The following NAALADL2 variants were observed in gnomAD, a reference collection of about 807,000 sequenced individuals.
NAALADL2 encodes the protein inactive N-acetylated-alpha-linked acidic dipeptidase-like protein 2.
Under a neutral mutation model 87.2 loss-of-function variants are expected in NAALADL2, and 76 were observed. The observed-to-expected ratio is 0.87, with a 90% CI of 0.72 to 1.05. NAALADL2 has a LOEUF of 1.05. Ranked by LOEUF, NAALADL2 falls within the 50% of genes least tolerant of loss-of-function variation. NAALADL2 has a pLI of 0.00. For synonymous variants in NAALADL2, 354 were observed against 331.0 expected, an observed-to-expected ratio of 1.07 and a Z score of -0.75; for missense variants, 1,089 against 945.8, an observed-to-expected ratio of 1.15 and a Z score of -1.99.
rs1003134965 is a variant in NAALADL2 at position 174,944,512 on chromosome 3, G to A, written c.43+85062G>A. Among the ~76,000 whole-genome samples the A allele has an allele frequency of 3.3e-5, 5 of 152,178 alleles. No individual in the cohort carries two copies. In the East Asian group the frequency reaches 9.6e-4, roughly 29 times the overall value. On this transcript the variant is annotated intron_variant, in intron 1 of 13. Coordinates refer to ENST00000454872, the MANE Select transcript of NAALADL2 (RefSeq NM_207015.3). ...GAATTCCAAGCCAGTCTTATCCTGT[G>A]AGGTGCCATGGAAGTATGGCCTGCA...
intron 9 of NAALADL2, among the ~76,000 whole-genome samples, chr3:175,521,749 A>G (rs1732692203): frequency 6.6e-6 from 1 of 152,198 alleles, no homozygotes; most frequent in Non-Finnish European, 1.5e-5. Flanking sequence ...GATTGCAGGC[A>G]TCCACCATAA....
intron 2 of NAALADL2, among the ~76,000 whole-genome samples, chr3:174,662,327 A>G (rs1426262819): frequency 1.3e-5 from 2 of 152,178 alleles, no homozygotes; most frequent in Non-Finnish European, 2.9e-5. Context: ...TATATTCATT[A>G]CATAAAATTT....
intron 2 of NAALADL2, among the ~76,000 whole-genome samples, chr3:174,701,308 T>G (rs1729535290): frequency 6.6e-6 from 1 of 151,830 alleles, no homozygotes; most frequent in African/African-American, 2.4e-5. Context: ...CTGAAAATTG[T>G]TGAGCAGATG....
intron 10 of NAALADL2, among the ~76,000 whole-genome samples, chr3:175,596,359 A>G (rs1722242033): frequency 1.3e-5 from 2 of 151,950 alleles, no homozygotes; most frequent in South Asian, 4.1e-4. Context: ...TATAAACTAA[A>G]CAAAGCTAAA....
chr3:175,556,215 AC>A (rs1715238927), intron 9 of NAALADL2, among the ~76,000 whole-genome samples: 3 of 152,198 alleles, frequency 2.0e-5, no homozygotes, highest in Non-Finnish European at 4.4e-5. Flanking sequence ...TTTTGAAGCA[AC>A]AAGTATTTAA....
intron 5 of NAALADL2, among the ~76,000 whole-genome samples, chr3:175,333,341 G>T (rs1761619943): frequency 6.6e-6 from 1 of 152,122 alleles, no homozygotes; most frequent in Admixed American, 6.6e-5. Flanking sequence ...TGAATGTGGG[G>T]CTTCTTTTAG....
intron 2 of NAALADL2, among the ~76,000 whole-genome samples, chr3:174,621,311 C>T (rs1326431925): frequency 3.3e-5 from 5 of 151,944 alleles, no homozygotes; most frequent in African/African-American, 9.7e-5. Context: ...TCGCACAAGT[C>T]TGCTTTCAAG....
intron 1 of NAALADL2, among the ~76,000 whole-genome samples, chr3:174,510,558 A>T (rs1719533648): frequency 6.6e-6 from 1 of 151,980 alleles, no homozygotes; most frequent in Non-Finnish European, 1.5e-5. Context: ...TGATGCATGT[A>T]TAATCTGAGT....
intron 3 of NAALADL2, among the ~76,000 whole-genome samples, chr3:175,247,267 TACACAC>T (rs778567684): frequency 9.4e-5 from 6 of 64,032 alleles, no homozygotes; most frequent in Admixed American, 4.8e-4. Context: ...ATTATGTGTG[TACACAC>T]ACACACACAC....
At chr3:175,277,712 T>G (rs1043125364) in intron 4 of NAALADL2, among the ~76,000 whole-genome samples, 2 of 152,224 alleles carry the variant, frequency 1.3e-5, no homozygotes, top group African/African-American at 4.8e-5. Flanking sequence ...GAATTATTTA[T>G]GAATCCTTAA....
chr3:175,154,558 T>A (rs561472130), intron 2 of NAALADL2, among the ~76,000 whole-genome samples: 1 of 150,856 alleles, frequency 6.6e-6, no homozygotes, highest in African/African-American at 2.4e-5. Context: ...ATTTAGGACA[T>A]CCTAGTACAT....
chr3:174,850,235 T>C (rs894613394), intron 3 of NAALADL2, among the ~76,000 whole-genome samples: 2 of 152,154 alleles, frequency 1.3e-5, no homozygotes. Flanking sequence ...CTCTAGCCTA[T>C]CCTGTAAGAT....
chr3:174,830,643 G>T (rs979335726), intron 3 of NAALADL2, among the ~76,000 whole-genome samples: 1 of 152,014 alleles, frequency 6.6e-6, no homozygotes, highest in African/African-American at 2.4e-5. Flanking sequence ...TTTCTGTGAA[G>T]AAAGGCATTG....
intron 11 of NAALADL2, among the ~76,000 whole-genome samples, chr3:175,650,566 G>A (rs1730631040): frequency 6.6e-6 from 1 of 152,044 alleles, no homozygotes; most frequent in Admixed American, 6.5e-5. Context: ...CATCATTTCA[G>A]TACTATCAAA....
At chr3:175,527,068 A>T (rs919355779) in intron 9 of NAALADL2, among the ~76,000 whole-genome samples, 1 of 152,224 alleles carries the variant, frequency 6.6e-6, no homozygotes, top group South Asian at 2.1e-4. Flanking sequence ...AGGGCTTGTC[A>T]TCTGAGCCCC....
chr3:174,856,075 T>G (rs893452401), upstream of NAALADL2, among the ~76,000 whole-genome samples: 1 of 151,688 alleles, frequency 6.6e-6, no homozygotes, highest in Non-Finnish European at 1.5e-5. Flanking sequence ...GGTATGATCA[T>G]AGCTTACTGC....
chr3:175,778,662 A>C (rs994014697), intron 13 of NAALADL2, among the ~76,000 whole-genome samples: 7 of 152,228 alleles, frequency 4.6e-5, no homozygotes, highest in African/African-American at 1.7e-4. Context: ...TACATGTTTC[A>C]GCTCATGTAA....
intron 2 of NAALADL2, among the ~76,000 whole-genome samples, chr3:175,134,981 CATTA>C (rs1180373521): frequency 5.3e-5 from 8 of 152,124 alleles, no homozygotes; most frequent in African/African-American, 1.7e-4. Flanking sequence ...TAACATCCTA[CATTA>C]ATTGATGAGT....
intron 11 of NAALADL2, among the ~76,000 whole-genome samples, chr3:175,708,398 G>A (rs1740032937): frequency 6.6e-6 from 1 of 152,066 alleles, no homozygotes; most frequent in Admixed American, 6.6e-5. Flanking sequence ...AATAATGGTA[G>A]TGGCTCAGAT....
Sources: gnomAD v4.1 joint callset for allele counts (sites outside exome capture counted in the v4.1 genomes callset) on GRCh38, gnomAD v4.1.1 for gene constraint, MANE v1.5 for transcripts, NCBI Gene and HGNC (gene_info 2026-07-23, HGNC 2026-07-21) for gene names.